The following NSD3 variants were observed in gnomAD, a reference collection of about 807,000 sequenced individuals.
NSD3 encodes nuclear receptor binding SET domain protein 3.
Under a neutral mutation model 160.8 loss-of-function variants are expected in NSD3, and 24 were observed. The observed-to-expected ratio is 0.15, with a 90% CI of 0.11 to 0.21. The LOEUF is 0.21. NSD3 is among the 10% of genes least tolerant of loss of function. The pLI, the probability that NSD3 is intolerant of heterozygous loss-of-function variation, is 1.00. For synonymous variants in NSD3, 520 were observed against 600.0 expected (o/e 0.87, Z 1.95); for missense variants, 1,157 against 1,735.9 (o/e 0.67, Z 5.93).
intron 1 of NSD3, among the ~76,000 whole-genome samples, chr8:38,360,262 G>C (rs1172724372): frequency 6.6e-6 from 1 of 152,268 alleles, no homozygotes; most frequent in East Asian, 1.9e-4. Context: ...TGGGATTACA[G>C]CCATGAGCCA....
At chr8:38,335,321 T>C (rs7017059) in intron 4 of NSD3, among the ~76,000 whole-genome samples, 1,603 of 152,258 alleles carry the variant, frequency 0.011, 35 homozygotes, top group African/African-American at 0.036. Context: ...TAAATGTAAA[T>C]ACTTCCTTTG....
At chr8:38,369,665 A>AC (rs1811192187) in intron 1 of NSD3, among the ~76,000 whole-genome samples, 1 of 152,186 alleles carries the variant, frequency 6.6e-6, no homozygotes, top group Non-Finnish European at 1.5e-5. Flanking sequence ...CTCCAAGAAT[A>AC]ATTTTCATTT....
intron 2 of NSD3, among the ~76,000 whole-genome samples, 192 bp downstream of exon 2, chr8:38,347,302 TTTC>T (rs1686112996): frequency 6.6e-6 from 1 of 152,322 alleles, no homozygotes; most frequent in East Asian, 1.9e-4. Context: ...TTTAAAAATA[TTTC>T]TTAACTAATC....
chr8:38,311,603 G>A (rs1809537715), intron 12 of NSD3, among the ~76,000 whole-genome samples: 1 of 152,280 alleles, frequency 6.6e-6, no homozygotes, highest in Non-Finnish European at 1.5e-5. Flanking sequence ...CGGTATTACA[G>A]ACATAAGCCA....
chr8:38,346,907 CTTA>C (rs956082102), intron 2 of NSD3, among the ~76,000 whole-genome samples: 46 of 152,144 alleles, frequency 3.0e-4, no homozygotes, highest in Non-Finnish European at 5.7e-4. Flanking sequence ...ATGTTACATA[CTTA>C]TTATATTATT....
At chr8:38,299,979 G>C (rs1217365845) in intron 14 of NSD3, among the ~76,000 whole-genome samples, 1 of 151,686 alleles carries the variant, frequency 6.6e-6, no homozygotes, top group African/African-American at 2.4e-5. Context: ...ATAGAAATAA[G>C]AATCATTTAC....
intron 1 of NSD3, among the ~76,000 whole-genome samples, chr8:38,373,068 G>T (rs1210428595): frequency 6.7e-6 from 1 of 149,924 alleles, no homozygotes; most frequent in Non-Finnish European, 1.5e-5. Flanking sequence ...AAAAAAGAAA[G>T]AAAGAAAAAA....
intron 16 of NSD3, among the ~76,000 whole-genome samples, chr8:38,292,817 C>A (rs1222379481): frequency 6.7e-6 from 1 of 149,464 alleles, no homozygotes; most frequent in Non-Finnish European, 1.5e-5. Flanking sequence ...ACAAAAAAAA[C>A]AAAGATTAGC....
intron 1 of NSD3, among the ~76,000 whole-genome samples, chr8:38,362,611 CAAG>C (rs1461233291): frequency 1.3e-5 from 2 of 152,076 alleles, no homozygotes; most frequent in Non-Finnish European, 2.9e-5. Context: ...CACGACTTGT[CAAG>C]AATTTTTTTC....
At chr8:38,315,868 T>A (rs1271142296) in intron 10 of NSD3, 44 bp downstream of exon 10, 4 of 1,573,374 alleles carry the variant, frequency 2.5e-6, no homozygotes, top group East Asian at 2.3e-5. Context: ...AAAAGCATTA[T>A]GTTCAAGAAA....
Position 38,317,365 on chromosome 8 carries a change from T to G in NSD3, c.1856-1323A>C, listed in dbSNP as rs2131023066. The G allele has an allele frequency of 9.5e-7, 1 of 1,056,544 alleles. No individual in the cohort carries two copies. The highest frequency in any genetic ancestry group is 5.3e-5 in the East Asian group (1 of 18,842). 65.4% of individuals were successfully genotyped at this position (1,056,544 alleles called of 1,614,324 possible). Reference sequence around the variant, plus strand: ...GCTGGTGTATGGACCCAGAACACCATCACAAAATATTTCCTTGGCCTAAAA... The same window carrying G: ...GCTGGTGTATGGACCCAGAACACCAGCACAAAATATTTCCTTGGCCTAAAA... On this transcript the variant is annotated intron_variant, in intron 9 of 23. Transcript: ENST00000317025. This position sits in a 1 kb window ranked among gnomAD's most constrained non-coding sequence, Gnocchi z 5.3.
intron 16 of NSD3, among the ~76,000 whole-genome samples, chr8:38,293,499 A>G (rs539230279): frequency 6.6e-6 from 1 of 151,372 alleles, no homozygotes; most frequent in East Asian, 2.0e-4. Flanking sequence ...GCAGTGGGCC[A>G]AGATCACACC....
intron 15 of NSD3, 68 bp downstream of exon 15, chr8:38,299,376 C>G (rs1467371554): frequency 1.3e-6 from 2 of 1,522,910 alleles, no homozygotes; most frequent in Non-Finnish European, 8.8e-7. Context: ...ACATTTCCCC[C>G]CTATATTGAA....
chr8:38,342,724 C>T (rs562654577), intron 2 of NSD3, among the ~76,000 whole-genome samples: 4 of 151,624 alleles, frequency 2.6e-5, no homozygotes, highest in Admixed American at 6.6e-5. Context: ...CGCGCCACCA[C>T]GCCTGGTTGT....
At chr8:38,284,574 A>G (rs1301625420) in intron 19 of NSD3, among the ~76,000 whole-genome samples, 3 of 152,130 alleles carry the variant, frequency 2.0e-5, no homozygotes, top group Admixed American at 2.0e-4. Context: ...TTTAGTAGAG[A>G]TGGGGTTTCA....
intron 7 of NSD3, among the ~76,000 whole-genome samples, chr8:38,323,149 G>A (rs768457328): frequency 1.8e-4 from 27 of 152,144 alleles, no homozygotes; most frequent in Non-Finnish European, 3.8e-4. Flanking sequence ...CCGCCTCCAG[G>A]GTTCAAGCGA....
chr8:38,359,040 T>G (rs1810893702), intron 1 of NSD3, among the ~76,000 whole-genome samples: 1 of 152,152 alleles, frequency 6.6e-6, no homozygotes, highest in Admixed American at 6.5e-5. Context: ...TAATGTCAGT[T>G]TTTAAAAAAG....
intron 16 of NSD3, 159 bp from the exon 17 acceptor site, chr8:38,290,836 G>T: frequency 1.6e-6 from 1 of 635,044 alleles, no homozygotes; most frequent in Non-Finnish European, 2.7e-6. Flanking sequence ...AGTAATTAAT[G>T]AAATAGTGAA....
At chr8:38,343,827 G>A (rs1469788983) in intron 2 of NSD3, among the ~76,000 whole-genome samples, 1 of 152,200 alleles carries the variant, frequency 6.6e-6, no homozygotes. Flanking sequence ...CTACCTTAGT[G>A]TTCACGGGAC....
Sources: allele counts gnomAD v4.1 joint callset (sites outside exome capture counted in the v4.1 genomes callset), GRCh38; gene constraint gnomAD v4.1.1; non-coding constraint Gnocchi (gnomAD v3.1); transcripts MANE v1.5; gene names NCBI Gene and HGNC (gene_info 2026-07-23, HGNC 2026-07-21).